Variants in TTC28 observed in about 807,000 individuals in gnomAD.
The protein encoded by TTC28 is tetratricopeptide repeat protein 28.
In TTC28, 61 loss-of-function variants were observed where a neutral mutation model predicts 198.0. The ratio of observed to expected loss-of-function variants is 0.31; its 90% CI spans 0.25 to 0.38. The LOEUF (loss-of-function observed/expected upper bound fraction) is 0.38. Among genes scored for constraint, TTC28 ranks in the 10% least tolerant of loss-of-function variants. TTC28 has a pLI of 1.00. For missense variants in TTC28, 2,678 were observed against 3,164.0 expected (o/e 0.85, Z 3.69); for synonymous variants, 1,171 against 1,297.8 (o/e 0.90, Z 2.10).
chr22:28,122,791 G>T (rs1942820343), intron 6 of TTC28, among the ~76,000 whole-genome samples: 1 of 152,120 alleles, frequency 6.6e-6, no homozygotes, highest in Non-Finnish European at 1.5e-5. Flanking sequence ...AAGTTTCTAG[G>T]TAATAAAAAT....
intron 12 of TTC28, among the ~76,000 whole-genome samples, chr22:28,039,443 T>G (rs1939516462): frequency 6.7e-6 from 1 of 149,660 alleles, no homozygotes; most frequent in Non-Finnish European, 1.5e-5. Flanking sequence ...CACGGCATGT[T>G]CTCACTCATA....
chr22:28,485,981 T>C (rs1256088996), intron 2 of TTC28, among the ~76,000 whole-genome samples: 2 of 152,118 alleles, frequency 1.3e-5, no homozygotes, highest in Non-Finnish European at 2.9e-5. Flanking sequence ...GGAGCTATTG[T>C]GCTAGAAGAT....
At chr22:28,323,199 C>A (rs545772398) in intron 2 of TTC28, among the ~76,000 whole-genome samples, 1 of 152,218 alleles carries the variant, frequency 6.6e-6, no homozygotes, top group East Asian at 1.9e-4. Flanking sequence ...CTCTTCAATG[C>A]ACAGACACTG....
At chr22:28,271,211 A>G (rs1932046568) in intron 5 of TTC28, among the ~76,000 whole-genome samples, 1 of 151,648 alleles carries the variant, frequency 6.6e-6, no homozygotes, top group Non-Finnish European at 1.5e-5. Context: ...AGCTGGGATT[A>G]TAGGCATGCA....
chr22:28,655,659 C>T (rs1223109577), intron 1 of TTC28, among the ~76,000 whole-genome samples: 4 of 151,976 alleles, frequency 2.6e-5, no homozygotes, highest in Non-Finnish European at 5.9e-5. Flanking sequence ...GTCAGGAGAT[C>T]GTGACCACGG....
At chr22:28,301,077 C>CTATAAATTTACTATAAATTTAA (rs2045012749) in intron 3 of TTC28, among the ~76,000 whole-genome samples, 2 of 152,162 alleles carry the variant, frequency 1.3e-5, no homozygotes, top group Non-Finnish European at 2.9e-5. Flanking sequence ...TTTTTACTAT[C>CTATAAATTTACTATAAATTTAA]AAATTTCTCC....
At chr22:28,125,167 G>T (rs1396528020) in intron 6 of TTC28, among the ~76,000 whole-genome samples, 1 of 152,162 alleles carries the variant, frequency 6.6e-6, no homozygotes, top group Non-Finnish European at 1.5e-5. Flanking sequence ...TTTCCAGATG[G>T]AGAATTGAAG....
chr22:28,252,778 C>G (rs78097823), intron 5 of TTC28, among the ~76,000 whole-genome samples: 5,279 of 152,242 alleles, frequency 0.035, 149 homozygotes, highest in Non-Finnish European at 0.053. Flanking sequence ...TGCCACTCCC[C>G]CAGTGAGAGT....
At chr22:28,086,120 C>T (rs1364482724) in intron 12 of TTC28, among the ~76,000 whole-genome samples, 1 of 152,092 alleles carries the variant, frequency 6.6e-6, no homozygotes, top group East Asian at 1.9e-4. Context: ...AGAAAGTTAA[C>T]AAGGATACCC....
chr22:28,107,256 C>T lies in TTC28; in HGVS notation c.2589G>A (p.Met863Ile), dbSNP rs1377170797. Residue 863 changes from methionine to isoleucine, a missense_variant, in exon 7 of 23, where the codon ATG becomes ATA. Met to Ile is a conservative substitution (Grantham distance 10). Transcript: ENST00000397906. ...ACTCATTTCCACTTAGCTGCTGCAGCATGGCCAATTGCTGCTCAAAGTAGC... is the reference window on the plus strand; with the variant it reads ...ACTCATTTCCACTTAGCTGCTGCAGTATGGCCAATTGCTGCTCAAAGTAGC... ...AIGYFEQQLAMLQQLSGNESV... is the reference protein window; with the variant it reads ...AIGYFEQQLAILQQLSGNESV... 6.4e-7 allele frequency: 1 copy of T among 1,551,782 alleles called. No individual in the cohort carries two copies. The highest frequency in any genetic ancestry group is 8.7e-7 in the Non-Finnish European group (1 of 1,147,012).
chr22:28,192,519 G>A (rs531748287), intron 5 of TTC28, among the ~76,000 whole-genome samples: 15 of 151,872 alleles, frequency 9.9e-5, no homozygotes, highest in Non-Finnish European at 1.3e-4. Flanking sequence ...GAGGATGTTC[G>A]AAGAAAAGAA....
At chr22:28,558,366 T>G (rs1468364710) in intron 2 of TTC28, among the ~76,000 whole-genome samples, 1 of 152,138 alleles carries the variant, frequency 6.6e-6, no homozygotes, top group East Asian at 1.9e-4. Context: ...GTGGATAAAG[T>G]GAGGATTCAG....
chr22:28,076,473 G>A (rs932531839), intron 12 of TTC28, among the ~76,000 whole-genome samples: 1 of 152,158 alleles, frequency 6.6e-6, no homozygotes, highest in Non-Finnish European at 1.5e-5. Flanking sequence ...GGGAAGCTGA[G>A]GTAGGGGGGT....
At position 27,982,290 on chromosome 22, in the gene TTC28, C is replaced by T; in HGVS notation, c.7377G>A (p.Leu2459=). Residue 2459 remains leucine (L), a synonymous_variant, in exon 23 of 23, where the codon TTG becomes TTA. Transcript: ENST00000397906. This position sits in a 1 kb window ranked among gnomAD's most constrained non-coding sequence, Gnocchi z 5.2. The part of the protein sequence containing the change: ...GPPATAPARP[L]RLPSGNGYKF... Reference sequence around the variant, plus strand: ...TGTAGCCATTTCCAGAAGGAAGCCTCAAAGGGCGCGCGGGGGCTGTGGCGG... The same window carrying T: ...TGTAGCCATTTCCAGAAGGAAGCCTTAAAGGGCGCGCGGGGGCTGTGGCGG... The T allele has an allele frequency of 6.7e-7, 1 of 1,492,954 alleles. No individual in the cohort carries two copies. Among genetic ancestry groups the T allele is most frequent in the Non-Finnish European group, 8.9e-7 (1 of 1,121,046 alleles). 92.5% of individuals were successfully genotyped at this position (1,492,954 alleles called of 1,614,324 possible).
Position 28,297,779 on chromosome 22 carries a change from C to A in TTC28, c.603G>T (p.Val201=). 1 of 1,551,652 alleles carries A rather than the reference C, an allele frequency of 6.4e-7. No individual in the cohort carries two copies. Among genetic ancestry groups the A allele is most frequent in the Non-Finnish European group, 8.7e-7 (1 of 1,146,998 alleles). Residue 201 remains valine, a synonymous_variant, in exon 4 of 23, where the codon GTG becomes GTT. Transcript: ENST00000397906. ...CAGCTGTCAGGAGTTCCTGCCCAAC[C>A]ACAGACACGACCACAAAGGGACTCT... is the stretch of plus-strand genomic sequence containing the variant. ...LDKSPFVVVS[V]VGQELLTAGH... is the part of the protein sequence containing the mutation.
At chr22:28,628,742 C>T (rs9625516) in intron 2 of TTC28, among the ~76,000 whole-genome samples, 17,713 of 152,036 alleles carry the variant, frequency 0.12, 1,275 homozygotes, top group African/African-American at 0.18. Context: ...GAGTTCGAGA[C>T]CAGCCTGGGC....
At chr22:28,679,547 C>T (rs2052057737) in intron 1 of TTC28, 75 bp downstream of exon 1, 3 of 1,039,518 alleles carry the variant, frequency 2.9e-6, no homozygotes, top group South Asian at 3.3e-5. Context: ...TCCTCTGCCG[C>T]TGAGGCCCGG....
chr22:28,266,342 T>C (rs1931684019), intron 5 of TTC28, among the ~76,000 whole-genome samples: 1 of 152,082 alleles, frequency 6.6e-6, no homozygotes, highest in African/African-American at 2.4e-5. Context: ...GAATACAAAT[T>C]AAGGTATCTT....
intron 5 of TTC28, among the ~76,000 whole-genome samples, chr22:28,207,519 G>T (rs138000738): frequency 1.3e-3 from 201 of 152,208 alleles, no homozygotes; most frequent in African/African-American, 4.7e-3. Context: ...GTTTATTTGG[G>T]CTATAAAATG....
Sources: allele counts gnomAD v4.1 joint callset (sites outside exome capture counted in the v4.1 genomes callset), GRCh38; gene constraint gnomAD v4.1.1; non-coding constraint Gnocchi (gnomAD v3.1); transcripts MANE v1.5; gene names NCBI Gene and HGNC (gene_info 2026-07-23, HGNC 2026-07-21).